IGF2BP3: variants seen among roughly 807,000 people sequenced by gnomAD.
IGF2BP3 encodes insulin-like growth factor 2 mRNA-binding protein 3.
In IGF2BP3, 9 loss-of-function variants were observed where a neutral mutation model predicts 73.8. That is an observed-to-expected ratio of 0.12 (90% CI 0.07 to 0.21). IGF2BP3 has a LOEUF of 0.21. IGF2BP3 is among the 10% of genes least tolerant of loss of function. The pLI is 1.00. For missense variants in IGF2BP3, 542 were observed against 714.0 expected, an observed-to-expected ratio of 0.76 and a Z score of 2.75; for synonymous variants, 258 against 256.7, an observed-to-expected ratio of 1.01 and a Z score of -0.05.
At chr7:23,393,527 G>A (rs11981126) in intron 3 of IGF2BP3, among the ~76,000 whole-genome samples, 12,310 of 152,096 alleles carry the variant, frequency 0.081, 1,168 homozygotes, top group African/African-American at 0.23. Context: ...CTCGGAAACC[G>A]TGCCCCCAAA....
At chr7:23,412,923 G>C (rs1446513210) in intron 3 of IGF2BP3, among the ~76,000 whole-genome samples, 2 of 125,532 alleles carry the variant, frequency 1.6e-5, no homozygotes, top group African/African-American at 6.1e-5. Flanking sequence ...GCAGTGGTGC[G>C]ATCTTGGCTC....
At chr7:23,441,488 G>A (rs548518019) in intron 2 of IGF2BP3, among the ~76,000 whole-genome samples, 8 of 146,688 alleles carry the variant, frequency 5.5e-5, no homozygotes, top group South Asian at 4.3e-4. Context: ...CAGGAGAATC[G>A]CTTGAACCCG....
At chr7:23,318,251 C>T (rs1470450719) in intron 11 of IGF2BP3, among the ~76,000 whole-genome samples, 1 of 152,168 alleles carries the variant, frequency 6.6e-6, no homozygotes, top group Non-Finnish European at 1.5e-5. Flanking sequence ...GAGGCAGGGT[C>T]TTACTGTGTG....
At chr7:23,347,436 A>C (rs1451460605) in intron 7 of IGF2BP3, among the ~76,000 whole-genome samples, 164 bp downstream of exon 7, 1 of 152,176 alleles carries the variant, frequency 6.6e-6, no homozygotes, top group Admixed American at 6.5e-5. Flanking sequence ...TTAAATATTA[A>C]AAGACATACA....
intron 10 of IGF2BP3, among the ~76,000 whole-genome samples, chr7:23,330,410 C>T (rs1004003313): frequency 6.6e-6 from 1 of 151,616 alleles, no homozygotes; most frequent in South Asian, 2.1e-4. Flanking sequence ...AAAGTGCCCA[C>T]TAGAACTGTC....
At chr7:23,458,504 T>C (rs1182878856) in intron 2 of IGF2BP3, among the ~76,000 whole-genome samples, 1 of 152,180 alleles carries the variant, frequency 6.6e-6, no homozygotes, top group Non-Finnish European at 1.5e-5. Context: ...CCACTCCAGA[T>C]ACCTCTACCT....
At chr7:23,384,115 A>G (rs1583970067) in intron 3 of IGF2BP3, among the ~76,000 whole-genome samples, 1 of 150,684 alleles carries the variant, frequency 6.6e-6, no homozygotes, top group Non-Finnish European at 1.5e-5. Context: ...AAAAAAAAAA[A>G]AGAATAAAAG....
intron 11 of IGF2BP3, among the ~76,000 whole-genome samples, chr7:23,318,538 C>G (rs933047016): frequency 2.0e-5 from 3 of 152,048 alleles, no homozygotes; most frequent in Non-Finnish European, 4.4e-5. Context: ...CTTTATTTTC[C>G]TTAAATAAGG....
chr7:23,344,432 TC>T lies in IGF2BP3; in HGVS notation c.942-580del, dbSNP rs1336391243. On this transcript the variant is annotated intron_variant, in intron 8 of 14. Transcript: ENST00000258729. ...TAGATTGAAGTAGGCTGGAGGAATA[TC>T]AATCCATCTTGACTAAAATTTAAAA... is the stretch of plus-strand genomic sequence containing the variant. 2.6e-5 allele frequency among the ~76,000 whole-genome samples: 4 copies of T among 152,344 alleles called. No homozygotes were observed. The South Asian group carries it at 8.3e-4, about 32-fold the overall frequency.
intron 10 of IGF2BP3, among the ~76,000 whole-genome samples, chr7:23,335,073 T>TAAAAAAAA (rs5882898): frequency 3.5e-4 from 24 of 69,170 alleles, no homozygotes; most frequent in Non-Finnish European, 5.0e-4. Context: ...TCTTTAACAT[T>TAAAAAAAA]AAAAAAAAAA....
intron 2 of IGF2BP3, among the ~76,000 whole-genome samples, chr7:23,445,440 TAC>T (rs1418538028): frequency 6.6e-6 from 1 of 152,084 alleles, no homozygotes; most frequent in Non-Finnish European, 1.5e-5. Context: ...GTGTTTTGTA[TAC>T]AGTGTAACTA....
At chr7:23,336,738 A>C (rs1011768813) in intron 10 of IGF2BP3, among the ~76,000 whole-genome samples, 3 of 152,232 alleles carry the variant, frequency 2.0e-5, no homozygotes, top group African/African-American at 2.4e-5. Context: ...ACTTGAGGTC[A>C]GGAATTCGAG....
intron 3 of IGF2BP3, among the ~76,000 whole-genome samples, chr7:23,383,485 G>A (rs888237325): frequency 2.9e-4 from 44 of 152,196 alleles, no homozygotes; most frequent in African/African-American, 1.0e-3. Context: ...CATACCAAGT[G>A]TTTGCAAAGA....
In IGF2BP3 at chr7:23,440,035, G is replaced by A. The variant is rs113739048; in HGVS notation, c.237-21211C>T. 4.5e-3 allele frequency among the ~76,000 whole-genome samples: 682 copies of A among 152,266 alleles called. 1 individual carries two copies. Among genetic ancestry groups the A allele is most frequent in the Non-Finnish European group, 7.3e-3 (499 of 68,020 alleles). ...TCACAGCACTTTGGGAGGCCGAGGT[G>A]GGCAGATCACGAGGTCAGGAGATCG... On this transcript the variant is annotated intron_variant, in intron 2 of 14. Coordinates refer to ENST00000258729, the MANE Select transcript of IGF2BP3 (RefSeq NM_006547.3).
chr7:23,456,219 G>GA lies in IGF2BP3; in HGVS notation c.236+12262dup, dbSNP rs34926256. On this transcript the variant is annotated intron_variant, in intron 2 of 14. Coordinates refer to ENST00000258729, the MANE Select transcript of IGF2BP3 (RefSeq NM_006547.3). ...TCTCCATTTTTTGCAAAACCAGCTGGAAAAAAAAAAAAGACATCTGGGGAG... is the reference window on the plus strand; with the variant it reads ...TCTCCATTTTTTGCAAAACCAGCTGGAAAAAAAAAAAAAGACATCTGGGGAG... Among the ~76,000 whole-genome samples the GA allele has an allele frequency of 1.4e-3, 204 of 146,060 alleles. 1 individual carries two copies. Among genetic ancestry groups the GA allele is most frequent in the East Asian group, 9.6e-3 (48 of 4,978 alleles).
At chr7:23,462,461 A>ACGCCATTCTC (rs1427782439) in intron 2 of IGF2BP3, among the ~76,000 whole-genome samples, 1 of 150,990 alleles carries the variant, frequency 6.6e-6, no homozygotes, top group Non-Finnish European at 1.5e-5. Flanking sequence ...TCCCAGGTTC[A>ACGCCATTCTC]CGCCATTCTC....
chr7:23,324,179 C>G (rs1474623372), intron 10 of IGF2BP3, among the ~76,000 whole-genome samples: 2 of 151,550 alleles, frequency 1.3e-5, no homozygotes. Context: ...GCTAGCAAGA[C>G]TAATCAAGAA....
intron 3 of IGF2BP3, among the ~76,000 whole-genome samples, chr7:23,383,414 A>G (rs2128518030): frequency 6.6e-6 from 1 of 152,366 alleles, no homozygotes; most frequent in South Asian, 2.1e-4. Flanking sequence ...AGGCAAATGC[A>G]GACGAAAACC....
chr7:23,315,918 G>A (rs939114406), intron 12 of IGF2BP3, among the ~76,000 whole-genome samples: 3 of 152,188 alleles, frequency 2.0e-5, no homozygotes, highest in Non-Finnish European at 4.4e-5. Context: ...AGTTTTATTA[G>A]TGAATACAGG....
Sources: allele counts gnomAD v4.1 joint callset (sites outside exome capture counted in the v4.1 genomes callset), GRCh38; gene constraint gnomAD v4.1.1; transcripts MANE v1.5; gene names NCBI Gene and HGNC (gene_info 2026-07-23, HGNC 2026-07-21).